CDK14: variants seen among roughly 807,000 people sequenced by gnomAD.
CDK14 encodes the protein cyclin dependent kinase 14, also known as cyclin-dependent kinase 14.
In CDK14, 34 loss-of-function variants were observed where a neutral mutation model predicts 60.7. That is an observed-to-expected ratio of 0.56 (90% confidence interval 0.43 to 0.75). CDK14 has a LOEUF of 0.75. Ranked by LOEUF, CDK14 falls within the 30% of genes least tolerant of loss-of-function variation. The pLI is 0.00. For missense variants in CDK14, 482 were observed against 564.1 expected (o/e 0.85, Z 1.47); for synonymous variants, 197 against 203.7 (o/e 0.97, Z 0.28).
chr7:90,910,146 G>T (rs80182694), intron 7 of CDK14, among the ~76,000 whole-genome samples: 1 of 152,152 alleles, frequency 6.6e-6, no homozygotes, highest in African/African-American at 2.4e-5. Context: ...ATGTTGAATA[G>T]CTAGGGTTTT....
chr7:90,647,500 A>AT (rs1436628620), intron 2 of CDK14, among the ~76,000 whole-genome samples: 2 of 108,404 alleles, frequency 1.8e-5, no homozygotes, highest in East Asian at 3.5e-4. Context: ...GGTTAGTTTT[A>AT]TTTTTTTATC....
intron 12 of CDK14, among the ~76,000 whole-genome samples, chr7:91,091,530 A>G (rs1265239434): frequency 2.1e-5 from 2 of 95,132 alleles, no homozygotes; most frequent in South Asian, 2.8e-4. Context: ...TTAGCCAGGC[A>G]TGGTGGCATA....
At chr7:90,782,419 G>A (rs1439997767) in intron 4 of CDK14, among the ~76,000 whole-genome samples, 1 of 151,992 alleles carries the variant, frequency 6.6e-6, no homozygotes, top group African/African-American at 2.4e-5. Context: ...TCCTTCTCCT[G>A]CCTAATTGCC....
intron 10 of CDK14, among the ~76,000 whole-genome samples, chr7:91,007,935 A>G (rs976393187): frequency 9.9e-5 from 15 of 152,178 alleles, no homozygotes; most frequent in Middle Eastern, 3.4e-3. Context: ...ACAATATTTC[A>G]TTAGATACTC....
At chr7:91,204,340 G>A (rs1368224514) in intron 14 of CDK14, among the ~76,000 whole-genome samples, 1 of 151,810 alleles carries the variant, frequency 6.6e-6, no homozygotes, top group Non-Finnish European at 1.5e-5. Flanking sequence ...AAAATATAGG[G>A]GTAAATCTTC....
At chr7:91,130,576 T>A (rs1165517822) in intron 14 of CDK14, among the ~76,000 whole-genome samples, 1 of 152,188 alleles carries the variant, frequency 6.6e-6, no homozygotes, top group Non-Finnish European at 1.5e-5. Flanking sequence ...GAAATTACTA[T>A]TCAGCACAAA....
At chr7:91,085,118 A>G (rs1798600131) in intron 12 of CDK14, among the ~76,000 whole-genome samples, 1 of 152,330 alleles carries the variant, frequency 6.6e-6, no homozygotes, top group Admixed American at 6.5e-5. Context: ...GTAGAATAGT[A>G]CAAACATGTT....
chr7:91,088,858 T>G lies in CDK14; in HGVS notation c.1154+9378T>G, dbSNP rs78304208. 2.0e-5 allele frequency among the ~76,000 whole-genome samples: 3 copies of G among 152,226 alleles called. No individual in the cohort carries two copies. In the East Asian group the frequency reaches 5.8e-4, roughly 29 times the overall value. ...GAAAACATTTGATCATAAATTCAAT[T>G]AAATCAGCCATCATCTTTGTGATGT... On this transcript the variant is annotated intron_variant, in intron 12 of 14. Coordinates refer to ENST00000380050, the MANE Select transcript of CDK14 (RefSeq NM_001287135.2).
intron 4 of CDK14, among the ~76,000 whole-genome samples, chr7:90,784,814 T>G (rs1323719877): frequency 6.6e-6 from 1 of 152,226 alleles, no homozygotes. Context: ...AACAATGTCA[T>G]GAATATTTAG....
At chr7:90,974,519 T>C (rs536848994) in intron 9 of CDK14, among the ~76,000 whole-genome samples, 22 of 152,326 alleles carry the variant, frequency 1.4e-4, no homozygotes, top group African/African-American at 5.1e-4. Context: ...TCTGGGTCTC[T>C]GACTTCCCGA....
intron 2 of CDK14, among the ~76,000 whole-genome samples, chr7:90,690,410 C>T (rs1279938362): frequency 1.3e-5 from 2 of 152,136 alleles, no homozygotes; most frequent in Non-Finnish European, 1.5e-5. Context: ...ATAGTACCTG[C>T]CTTCCTCAAG....
chr7:90,828,896 A>G (rs1789813330), intron 5 of CDK14, among the ~76,000 whole-genome samples: 1 of 152,206 alleles, frequency 6.6e-6, no homozygotes, highest in Admixed American at 6.5e-5. Flanking sequence ...CCAGTTGCAT[A>G]CTGCTGTGAA....
intron 2 of CDK14, among the ~76,000 whole-genome samples, chr7:90,629,157 A>T (rs915904122): frequency 2.6e-5 from 4 of 152,170 alleles, no homozygotes; most frequent in Non-Finnish European, 4.4e-5. Flanking sequence ...GTTATTATTA[A>T]TATTTTTAAA....
intron 10 of CDK14, among the ~76,000 whole-genome samples, chr7:91,043,984 A>C (rs1252786869): frequency 6.6e-6 from 1 of 152,198 alleles, no homozygotes; most frequent in East Asian, 1.9e-4. Context: ...AGTGCCTACA[A>C]ATCCTCGGAT....
At chr7:91,066,834 A>C (rs1441174204) in intron 11 of CDK14, among the ~76,000 whole-genome samples, 1 of 152,190 alleles carries the variant, frequency 6.6e-6, no homozygotes, top group Non-Finnish European at 1.5e-5. Context: ...TCTTCTCGGC[A>C]AGCTCTCCTA....
intron 7 of CDK14, among the ~76,000 whole-genome samples, chr7:90,911,045 C>T (rs1427315020): frequency 2.0e-5 from 3 of 151,948 alleles, no homozygotes; most frequent in Non-Finnish European, 4.4e-5. Context: ...TTGTTTTTTT[C>T]TTGCTATGAT....
At chr7:90,793,867 C>T (rs1164854631) in intron 5 of CDK14, among the ~76,000 whole-genome samples, 1 of 152,068 alleles carries the variant, frequency 6.6e-6, no homozygotes, top group Admixed American at 6.6e-5. Context: ...ACTGTATGGT[C>T]CCCCAAACTT....
intron 2 of CDK14, among the ~76,000 whole-genome samples, chr7:90,684,854 G>GT (rs1801397440): frequency 6.6e-6 from 1 of 151,714 alleles, no homozygotes. Flanking sequence ...ATGTTTCCTT[G>GT]TTTTTAAGAG....
At chr7:90,994,533 A>G (rs905029616) in intron 10 of CDK14, among the ~76,000 whole-genome samples, 1 of 152,224 alleles carries the variant, frequency 6.6e-6, no homozygotes, top group Non-Finnish European at 1.5e-5. Flanking sequence ...AAGCTGCCAC[A>G]CTGACCATGT....
Sources: gnomAD v4.1 joint callset for allele counts (sites outside exome capture counted in the v4.1 genomes callset) on GRCh38, gnomAD v4.1.1 for gene constraint, MANE v1.5 for transcripts, NCBI Gene and HGNC (gene_info 2026-07-23, HGNC 2026-07-21) for gene names.